The following UGGT2 variants were observed in gnomAD, a reference collection of about 807,000 sequenced individuals.
UGGT2 encodes the protein UDP-glucose:glycoprotein glucosyltransferase 2.
A neutral mutation model predicts 192.1 loss-of-function variants in UGGT2; 180 were observed. That is an observed-to-expected ratio of 0.94 (90% CI 0.83 to 1.06). UGGT2 has a LOEUF of 1.06. Among genes scored for constraint, UGGT2 ranks in the 50% least tolerant of loss-of-function variants. The pLI is 0.00. For missense variants in UGGT2, 1,849 were observed against 1,795.7 expected, an observed-to-expected ratio of 1.03 and a Z score of -0.54; for synonymous variants, 580 against 591.0, an observed-to-expected ratio of 0.98 and a Z score of 0.27.
At chr13:95,963,111 C>T (rs908212655) in intron 12 of UGGT2, among the ~76,000 whole-genome samples, 1 of 152,080 alleles carries the variant, frequency 6.6e-6, no homozygotes, top group South Asian at 2.1e-4. Context: ...GGTGGGGACA[C>T]AGCCAAACCA....
At chr13:96,037,400 T>C (rs548985029) in intron 1 of UGGT2, among the ~76,000 whole-genome samples, 2 of 152,228 alleles carry the variant, frequency 1.3e-5, no homozygotes, top group African/African-American at 2.4e-5. Context: ...GGTTTCACCA[T>C]GTTGGCTACG....
chr13:95,882,374 A>G (rs1339021598), intron 27 of UGGT2, among the ~76,000 whole-genome samples: 1 of 152,240 alleles, frequency 6.6e-6, no homozygotes, highest in African/African-American at 2.4e-5. Context: ...AGGTGTAACC[A>G]GGAATATTTG....
chr13:95,926,381 A>C (rs1011466348), intron 19 of UGGT2, among the ~76,000 whole-genome samples: 1 of 152,100 alleles, frequency 6.6e-6, no homozygotes, highest in African/African-American at 2.4e-5. Context: ...ATGAACTCTC[A>C]CTGTTAGAAA....
rs937468803 is a variant in UGGT2, at chr13:95,909,856, C to T, written c.2296-6796G>A. ...CAACCAGAGAGAAAGGTCGAGTTAT[C>T]GACAAAGGGAAGCCCATCAGACTAA... On this transcript the variant is annotated intron_variant, in intron 20 of 38. Coordinates refer to ENST00000376747, the MANE Select transcript of UGGT2 (RefSeq NM_020121.4). 1.7e-4 allele frequency among the ~76,000 whole-genome samples: 25 copies of T among 144,986 alleles called. 1 individual carries two copies. Among genetic ancestry groups the T allele is most frequent in the Admixed American group, 1.4e-3 (20 of 14,626 alleles).
intron 38 of UGGT2, among the ~76,000 whole-genome samples, chr13:95,821,665 T>A (rs1409130564): frequency 1.3e-5 from 2 of 152,158 alleles, no homozygotes; most frequent in Non-Finnish European, 2.9e-5. Context: ...CAGAAGAGTT[T>A]TTCCAGTGTT....
chr13:95,847,057 TTTTC>T (rs139406059), intron 36 of UGGT2, among the ~76,000 whole-genome samples: 44,455 of 121,680 alleles, frequency 0.37, 6,226 homozygotes, highest in Non-Finnish European at 0.44. Context: ...TTTTCTTTTC[TTTTC>T]TTTTTTTTTT....
chr13:95,900,908 A>AT lies in UGGT2; in HGVS notation c.2532dup (p.Tyr845IlefsTer2). ...AAAATATTCACTCCAACAGTATTATATTTTTTCTCAAAAGCATTCTTATCC... is the reference window on the plus strand; with the variant it reads ...AAAATATTCACTCCAACAGTATTATATTTTTTTCTCAAAAGCATTCTTATCC... On this transcript the variant is annotated frameshift_variant, in exon 22 of 39. Coordinates refer to ENST00000376747, the MANE Select transcript of UGGT2 (RefSeq NM_020121.4). LOFTEE classifies it high-confidence loss of function. 1.9e-6 allele frequency: 3 copies of AT among 1,601,790 alleles called. No homozygotes were observed. Among genetic ancestry groups the AT allele is most frequent in the South Asian group, 1.1e-5 (1 of 89,074 alleles).
chr13:95,942,221 G>GGT (rs370041064), intron 15 of UGGT2, among the ~76,000 whole-genome samples: 3,280 of 117,908 alleles, frequency 0.028, 56 homozygotes, highest in African/African-American at 0.05. Flanking sequence ...TTAGGGTGAG[G>GGT]GTGTGTGTGT....
chr13:95,933,819 C>T (rs2049369762), intron 17 of UGGT2, among the ~76,000 whole-genome samples: 1 of 152,062 alleles, frequency 6.6e-6, no homozygotes, highest in African/African-American at 2.4e-5. Flanking sequence ...GTAGCTGGGA[C>T]TACAGGCACC....
chr13:96,017,302 G>C (rs2052368890), intron 4 of UGGT2, among the ~76,000 whole-genome samples: 1 of 152,148 alleles, frequency 6.6e-6, no homozygotes, highest in Non-Finnish European at 1.5e-5. Flanking sequence ...GAATGACATA[G>C]TTTGGGTATT....
At chr13:96,050,183 ACAACCAT>A (rs2139242437) in intron 1 of UGGT2, among the ~76,000 whole-genome samples, 1 of 152,326 alleles carries the variant, frequency 6.6e-6, no homozygotes, top group Non-Finnish European at 1.5e-5. Flanking sequence ...CCACACATCT[ACAACCAT>A]CTGATCTTTG....
intron 1 of UGGT2, among the ~76,000 whole-genome samples, chr13:96,036,093 T>C (rs957576401): frequency 2.0e-5 from 3 of 152,132 alleles, no homozygotes; most frequent in Non-Finnish European, 4.4e-5. Flanking sequence ...ATTATGAATA[T>C]ACATGCACAC....
intron 38 of UGGT2, among the ~76,000 whole-genome samples, chr13:95,808,800 T>C (rs561697692): frequency 1.3e-5 from 2 of 152,322 alleles, no homozygotes; most frequent in South Asian, 4.1e-4. Context: ...CACAAAGTTA[T>C]TGGAAAACAG....
chr13:95,873,462 G>A (rs1891398760), intron 29 of UGGT2, among the ~76,000 whole-genome samples: 1 of 152,188 alleles, frequency 6.6e-6, no homozygotes, highest in Non-Finnish European at 1.5e-5. Context: ...CCAGCTGGTA[G>A]CCAAAGATAA....
chr13:95,893,753 A>AT (rs34306423), intron 24 of UGGT2, among the ~76,000 whole-genome samples: 54,460 of 151,974 alleles, frequency 0.36, 10,183 homozygotes, highest in Middle Eastern at 0.42. Context: ...CTTCAGTAGT[A>AT]TTTTTTTAAA....
In UGGT2 at chr13:95,927,639, T is replaced by C. The variant is rs144907878; in HGVS notation, c.1978-303A>G. On this transcript the variant is annotated intron_variant, in intron 17 of 38. Coordinates refer to ENST00000376747, the MANE Select transcript of UGGT2 (RefSeq NM_020121.4). ...TAACTCACTGAATTTTTTTGTTTGT[T>C]TGTTTGTTTGCTTTTTTGTTGTTTT... 2.3e-3 allele frequency among the ~76,000 whole-genome samples: 349 copies of C among 152,270 alleles called. 5 individuals carry two copies. The highest frequency in any genetic ancestry group is 8.0e-3 in the African/African-American group (332 of 41,556).
At chr13:95,830,842 G>A (rs865804748) in intron 38 of UGGT2, among the ~76,000 whole-genome samples, 7 of 152,102 alleles carry the variant, frequency 4.6e-5, no homozygotes, top group Non-Finnish European at 4.4e-5. Context: ...TGTTTATTGC[G>A]GCACTATTCA....
At chr13:95,836,570 G>A (rs978288009) in intron 37 of UGGT2, among the ~76,000 whole-genome samples, 1 of 152,182 alleles carries the variant, frequency 6.6e-6, no homozygotes, top group Non-Finnish European at 1.5e-5. Context: ...TTCCTCCTGA[G>A]TGCTGGAAAT....
intron 9 of UGGT2, among the ~76,000 whole-genome samples, chr13:95,985,886 T>C (rs567544310): frequency 1.3e-5 from 2 of 152,234 alleles, no homozygotes; most frequent in East Asian, 3.9e-4. Flanking sequence ...CCACACAATA[T>C]TCATCCAATT....
Sources: allele counts gnomAD v4.1 joint callset (sites outside exome capture counted in the v4.1 genomes callset), GRCh38; gene constraint gnomAD v4.1.1; transcripts MANE v1.5; gene names NCBI Gene and HGNC (gene_info 2026-07-23, HGNC 2026-07-21).